The following EXD3 variants were observed in gnomAD, a reference collection of about 807,000 sequenced individuals.
The protein encoded by EXD3 is exonuclease mut-7 homolog.
In EXD3, 92 loss-of-function variants were observed where a neutral mutation model predicts 98.0. That is an observed-to-expected ratio of 0.94 (90% CI 0.79 to 1.12). The LOEUF (loss-of-function observed/expected upper bound fraction) is 1.12, where lower values mean the gene tolerates loss of function less well. EXD3 is among the 50% of genes most tolerant of loss of function. The pLI, the probability that EXD3 is intolerant of heterozygous loss-of-function variation, is 0.00. For missense variants in EXD3, 1,222 were observed against 1,191.6 expected (o/e 1.03, Z -0.38); for synonymous variants, 569 against 526.0 (o/e 1.08, Z -1.12).
At chr9:137,314,756 G>C (rs927400637) in intron 19 of EXD3, among the ~76,000 whole-genome samples, 8 of 152,304 alleles carry the variant, frequency 5.3e-5, no homozygotes, top group African/African-American at 1.7e-4. Flanking sequence ...TCGGCGGCGA[G>C]AAGGTCCCTG....
At chr9:137,337,381 G>A (rs529268897) in intron 17 of EXD3, among the ~76,000 whole-genome samples, 5 of 152,204 alleles carry the variant, frequency 3.3e-5, no homozygotes, top group East Asian at 1.9e-4. Context: ...GGCTGGGTGC[G>A]GTGGCTCACA....
At chr9:137,365,952 CG>C in intron 7 of EXD3, 1 of 482,294 alleles carries the variant, frequency 2.1e-6, no homozygotes, top group South Asian at 1.7e-5. Context: ...CGTGCACACA[CG>C]CACATATCAC....
rs573204849 is a variant in EXD3, at chr9:137,411,666, T to G, written c.-48+11448A>C. Among the ~76,000 whole-genome samples the G allele has an allele frequency of 4.7e-4, 64 of 137,214 alleles. No individual in the cohort carries two copies. The South Asian group carries it at 7.4e-3, about 16-fold the overall frequency. 90.0% of individuals were successfully genotyped at this position (137,214 alleles called of 152,430 possible). ...CCACAGCACCACCAGCCCCGGGACC[T>G]GGAAAAGGAGCGGCAGGCGGAGGCG... is the stretch of plus-strand genomic sequence containing the variant. On this transcript the variant is annotated intron_variant, in intron 1 of 21. Transcript: ENST00000340951.
At chr9:137,354,061 C>A (rs1489730343) in intron 10 of EXD3, 42 of 1,217,188 alleles carry the variant, frequency 3.5e-5, no homozygotes, top group Non-Finnish European at 4.2e-5. Flanking sequence ...GCCCCACAGG[C>A]AGCTCCGCTG....
intron 8 of EXD3, 145 bp downstream of exon 8, chr9:137,356,123 G>A: frequency 6.2e-6 from 4 of 645,242 alleles, no homozygotes; most frequent in South Asian, 5.6e-5. Context: ...GCACGAGCTG[G>A]GCAAGAGGCA....
intron 5 of EXD3, among the ~76,000 whole-genome samples, chr9:137,369,111 G>A (rs1204573195): frequency 2.0e-5 from 3 of 147,870 alleles, no homozygotes; most frequent in Non-Finnish European, 4.5e-5. Flanking sequence ...CCGGGGCGTG[G>A]GAGTCTCGGA....
chr9:137,400,414 A>G (rs1170903919), intron 1 of EXD3, among the ~76,000 whole-genome samples: 3 of 152,226 alleles, frequency 2.0e-5, no homozygotes, highest in Non-Finnish European at 4.4e-5. Flanking sequence ...GAGCCTGTAA[A>G]ATCAAAAGCA....
chr9:137,410,422 T>G (rs533617110), intron 1 of EXD3, among the ~76,000 whole-genome samples: 9 of 150,520 alleles, frequency 6.0e-5, no homozygotes, highest in African/African-American at 2.2e-4. Flanking sequence ...GAGGTGGAGG[T>G]TGCAGTGAGC....
intron 1 of EXD3, among the ~76,000 whole-genome samples, chr9:137,400,625 C>A (rs571704295): frequency 6.6e-6 from 1 of 152,132 alleles, no homozygotes; most frequent in African/African-American, 2.4e-5. Flanking sequence ...ATTAGCCGGG[C>A]GTGGTGGCAC....
intron 3 of EXD3, among the ~76,000 whole-genome samples, chr9:137,381,825 C>G (rs1202520848): frequency 6.6e-6 from 1 of 152,186 alleles, no homozygotes; most frequent in Admixed American, 6.5e-5. Flanking sequence ...GCACCCAGGA[C>G]CCCCAAGGAC....
At chr9:137,307,752 G>T in intron 20 of EXD3, 106 bp from the exon 21 acceptor site, 1 of 1,269,182 alleles carries the variant, frequency 7.9e-7, no homozygotes, top group Non-Finnish European at 1.1e-6. Context: ...TCACCTCATG[G>T]GGTGCAGCCT....
intron 3 of EXD3, chr9:137,377,085 GAGC>G (rs1421872935): frequency 1.3e-5 from 2 of 152,182 alleles, no homozygotes; most frequent in Non-Finnish European, 2.9e-5. Flanking sequence ...TGGACTCTGT[GAGC>G]AGCAAGCGAC....
intron 1 of EXD3, among the ~76,000 whole-genome samples, chr9:137,402,690 T>C (rs985260507): frequency 2.0e-5 from 3 of 152,170 alleles, no homozygotes; most frequent in Non-Finnish European, 4.4e-5. Context: ...GCTTCCACAT[T>C]TTTGGGTATC....
At chr9:137,309,820 A>G in intron 19 of EXD3, 120 bp from the exon 20 acceptor site, 1 of 725,442 alleles carries the variant, frequency 1.4e-6, no homozygotes, top group Non-Finnish European at 2.4e-6. Context: ...GAGACAGATA[A>G]TGGGTCCCCT....
Position 137,347,826 on chromosome 9 carries a change from A to G in EXD3, c.1998+245T>C, listed in dbSNP as rs564584585. Among the ~76,000 whole-genome samples, 1 of 152,236 alleles carries G rather than the reference A, an allele frequency of 6.6e-6. No individual in the cohort carries two copies. Among genetic ancestry groups the G allele is most frequent in the African/African-American group, 2.4e-5 (1 of 41,552 alleles). On this transcript the variant is annotated intron_variant, in intron 17 of 21. Transcript: ENST00000340951. The surrounding 1 kb of genome is among the most constrained non-coding windows in gnomAD (Gnocchi z 4.2). ...CTCTCTATTTTAAGTTCAACTGATT[A>G]ATAGTGTCAATTACATCTGTAAATT... is the stretch of plus-strand genomic sequence containing the variant.
At chr9:137,358,388 G>A (rs368743206) in intron 7 of EXD3, among the ~76,000 whole-genome samples, 11 of 152,234 alleles carry the variant, frequency 7.2e-5, no homozygotes, top group East Asian at 1.9e-4. Context: ...CCAGAACACC[G>A]TGCCGCTCAC....
chr9:137,334,521 G>A (rs1345259057), intron 17 of EXD3, among the ~76,000 whole-genome samples: 3 of 151,996 alleles, frequency 2.0e-5, no homozygotes, highest in Non-Finnish European at 4.4e-5. Flanking sequence ...TGGGAAAACT[G>A]GCTAGCCACA....
At chr9:137,307,773 C>T (rs943240149) in intron 20 of EXD3, 127 bp from the exon 21 acceptor site, 15 of 1,040,588 alleles carry the variant, frequency 1.4e-5, no homozygotes, top group Non-Finnish European at 2.0e-5. Flanking sequence ...CTTCACACAC[C>T]CCCCAGCCTT....
chr9:137,362,999 T>TG (rs1166392764), intron 7 of EXD3, among the ~76,000 whole-genome samples: 1 of 151,874 alleles, frequency 6.6e-6, no homozygotes, highest in East Asian at 1.9e-4. Flanking sequence ...TTAGTAGAGA[T>TG]GGGGTTTCAC....
Sources: gnomAD v4.1 joint callset for allele counts (sites outside exome capture counted in the v4.1 genomes callset) on GRCh38, gnomAD v4.1.1 for gene constraint, Gnocchi (gnomAD v3.1) non-coding constraint, MANE v1.5 for transcripts, NCBI Gene and HGNC (gene_info 2026-07-23, HGNC 2026-07-21) for gene names.